ARHGEF4: variants seen among roughly 807,000 people sequenced by gnomAD.
The protein encoded by ARHGEF4 is APC-stimulated guanine nucleotide exchange factor 1.
ARHGEF4 carries 119 observed loss-of-function variants against 162.0 expected under a neutral mutation model. That is an observed-to-expected ratio of 0.73 (90% confidence interval 0.63 to 0.86). The LOEUF (loss-of-function observed/expected upper bound fraction) is 0.86, where lower values mean the gene tolerates loss of function less well. Ranked by LOEUF, ARHGEF4 falls within the 40% of genes least tolerant of loss-of-function variation. ARHGEF4 has a pLI of 0.00. For synonymous variants in ARHGEF4, 1,014 were observed against 979.9 expected (o/e 1.03, Z -0.65); for missense variants, 2,488 against 2,456.0 (o/e 1.01, Z -0.28).
intron 4 of ARHGEF4, among the ~76,000 whole-genome samples, chr2:131,017,322 C>T (rs1408281505): frequency 2.0e-5 from 3 of 152,132 alleles, no homozygotes. Context: ...CGGAGTCCTT[C>T]CCCCACCTTC....
intron 4 of ARHGEF4, among the ~76,000 whole-genome samples, chr2:131,009,974 T>C (rs1316821135): frequency 6.6e-6 from 1 of 152,220 alleles, no homozygotes; most frequent in Non-Finnish European, 1.5e-5. Flanking sequence ...TGTTTTGTTT[T>C]GTTTTTTCCG....
At chr2:131,001,073 G>A (rs1687726636) in intron 4 of ARHGEF4, among the ~76,000 whole-genome samples, 1 of 152,140 alleles carries the variant, frequency 6.6e-6, no homozygotes, top group African/African-American at 2.4e-5. Flanking sequence ...GGGAGGCTGA[G>A]GCGGTGGCTC....
intron 3 of ARHGEF4, among the ~76,000 whole-genome samples, chr2:130,937,733 T>A (rs559089245): frequency 6.6e-6 from 1 of 151,378 alleles, no homozygotes; most frequent in Admixed American, 6.6e-5. Context: ...AGTGGTGCGA[T>A]CTCGGCTCAC....
chr2:130,978,243 C>G (rs1157013393), intron 4 of ARHGEF4, among the ~76,000 whole-genome samples: 1 of 152,186 alleles, frequency 6.6e-6, no homozygotes, highest in African/African-American at 2.4e-5. Context: ...ATTGATCTTT[C>G]TGGCTGCTTC....
intron 4 of ARHGEF4, among the ~76,000 whole-genome samples, chr2:130,952,327 A>G (rs1367035180): frequency 6.6e-6 from 1 of 152,232 alleles, no homozygotes; most frequent in Non-Finnish European, 1.5e-5. Context: ...TTTTTAAAAA[A>G]AATCTTTTTA....
chr2:130,909,344 A>G (rs1681032323), intron 1 of ARHGEF4, among the ~76,000 whole-genome samples: 1 of 152,228 alleles, frequency 6.6e-6, no homozygotes, highest in South Asian at 2.1e-4. Flanking sequence ...AATAGAAGGA[A>G]TGAATTCCTG....
intron 1 of ARHGEF4, among the ~76,000 whole-genome samples, chr2:130,909,077 G>T (rs1681016221): frequency 6.6e-6 from 1 of 152,198 alleles, no homozygotes; most frequent in Admixed American, 6.5e-5. Flanking sequence ...ACATTGTGGG[G>T]AGTGAGGAAG....
At chr2:131,018,564 T>G (rs574965081) in intron 4 of ARHGEF4, among the ~76,000 whole-genome samples, 70 of 152,336 alleles carry the variant, frequency 4.6e-4, no homozygotes, top group African/African-American at 1.6e-3. Context: ...TTTTCTCTCT[T>G]GATACTGTCC....
In ARHGEF4 at chr2:131,046,238, CCA is replaced by C. The variant is rs751625608; in HGVS notation, c.*50_*51del. The C allele has an allele frequency of 2.3e-5, 36 of 1,561,568 alleles. No homozygotes were observed. Among genetic ancestry groups the C allele is most frequent in the Non-Finnish European group, 3.1e-5 (36 of 1,146,522 alleles). The stretch of plus-strand genomic sequence containing the variant: ...TGCTGGGCCTTCCTGCCAGTGGCCC[CCA>C]GTTTTTCTTCCCCGAGGCCCACTCG... On this transcript the variant is annotated 3_prime_UTR_variant, in exon 14 of 14. Coordinates refer to ENST00000409359, the MANE Select transcript of ARHGEF4 (RefSeq NM_001367493.1).
At chr2:130,871,201 T>C (rs535723821) in intron 1 of ARHGEF4, among the ~76,000 whole-genome samples, 1 of 152,156 alleles carries the variant, frequency 6.6e-6, no homozygotes, top group Non-Finnish European at 1.5e-5. Flanking sequence ...AAACCTCAGC[T>C]TCCTACACCT....
intron 10 of ARHGEF4, among the ~76,000 whole-genome samples, chr2:131,042,431 C>T (rs532714070): frequency 1.9e-4 from 29 of 152,262 alleles, no homozygotes; most frequent in African/African-American, 5.3e-4. Flanking sequence ...GAACTAATGA[C>T]GATGTTCCTG....
chr2:130,899,013 T>TGTAGCCC (rs1263779572), intron 1 of ARHGEF4, among the ~76,000 whole-genome samples: 5 of 152,106 alleles, frequency 3.3e-5, no homozygotes, highest in Non-Finnish European at 7.4e-5. Flanking sequence ...CAGTTGTGCA[T>TGTAGCCC]GTAGCCCCTC....
intron 4 of ARHGEF4, among the ~76,000 whole-genome samples, chr2:131,008,642 T>C (rs74813861): frequency 0.014 from 2,076 of 152,174 alleles, 59 homozygotes; most frequent in East Asian, 0.11. Context: ...ATTGGATCTT[T>C]TTTAAAAAAA....
intron 4 of ARHGEF4, among the ~76,000 whole-genome samples, chr2:131,012,584 G>T: frequency 6.6e-6 from 1 of 151,686 alleles, no homozygotes; most frequent in Non-Finnish European, 1.5e-5. Context: ...GTGTTGGGGG[G>T]TGGGGGAGGG....
chr2:131,010,686 G>A (rs1688391997), intron 4 of ARHGEF4, among the ~76,000 whole-genome samples: 1 of 152,198 alleles, frequency 6.6e-6, no homozygotes, highest in African/African-American at 2.4e-5. Flanking sequence ...TTGGTCAGGA[G>A]CCCACCAGAG....
chr2:130,948,499 A>G (rs1421804951), intron 4 of ARHGEF4, among the ~76,000 whole-genome samples: 1 of 152,254 alleles, frequency 6.6e-6, no homozygotes, highest in Admixed American at 6.5e-5. Context: ...AGAATCCTCA[A>G]AGCTGATTTT....
intron 4 of ARHGEF4, among the ~76,000 whole-genome samples, chr2:130,991,380 G>C (rs1686943964): frequency 6.6e-6 from 1 of 152,250 alleles, no homozygotes; most frequent in Non-Finnish European, 1.5e-5. Flanking sequence ...CCACTGCGGT[G>C]TGGGAGCCCC....
At chr2:130,864,372 G>C (rs577320107) in intron 1 of ARHGEF4, among the ~76,000 whole-genome samples, 6 of 152,200 alleles carry the variant, frequency 3.9e-5, no homozygotes. Flanking sequence ...ATTAGTAGTT[G>C]CCTGGGGCTG....
chr2:130,936,981 C>G (rs1235807500), intron 3 of ARHGEF4, among the ~76,000 whole-genome samples: 3 of 148,868 alleles, frequency 2.0e-5, no homozygotes, highest in Non-Finnish European at 4.4e-5. Context: ...AATCTTGGCT[C>G]ACCGCAACCA....
Sources: allele counts gnomAD v4.1 joint callset (sites outside exome capture counted in the v4.1 genomes callset), GRCh38; gene constraint gnomAD v4.1.1; transcripts MANE v1.5; gene names NCBI Gene and HGNC (gene_info 2026-07-23, HGNC 2026-07-21).